Variants in FANCA observed in about 807,000 individuals in gnomAD.
FANCA encodes the protein Fanconi anemia group A protein.
Under a neutral mutation model 194.3 loss-of-function variants are expected in FANCA, and 236 were observed. The ratio of observed to expected loss-of-function variants is 1.21; its 90% confidence interval spans 1.09 to 1.35. FANCA has a LOEUF of 1.35. Among genes scored for constraint, FANCA ranks in the 40% most tolerant of loss-of-function variants. The probability of loss-of-function intolerance (pLI) is 0.00; values close to 1 mark genes in which losing one functional copy is unlikely to be tolerated. For synonymous variants in FANCA, 1,014 were observed against 715.8 expected (o/e 1.42, Z -6.65); for missense variants, 2,628 against 1,813.9 (o/e 1.45, Z -8.15).
At chr16:89,770,409 C>T in intron 24 of FANCA, 150 bp from the exon 25 acceptor site, 1 of 1,011,038 alleles carries the variant, frequency 9.9e-7, no homozygotes, top group Non-Finnish European at 1.5e-6. Context: ...TTCTGCAGTG[C>T]TTCCCAACTT....
chr16:89,776,071 T>C lies in FANCA; in HGVS notation c.1827-256A>G, dbSNP rs17232840. On this transcript the variant is annotated intron_variant, in intron 20 of 42. Transcript: ENST00000389301. The stretch of plus-strand genomic sequence containing the variant: ...GACCACAAAATACCACCAGTGATTA[T>C]CCCTGGGCAGTGAAATTATAAATTA... Among the ~76,000 whole-genome samples the C allele has an allele frequency of 0.06, 9,068 of 151,334 alleles. 420 individuals are homozygous for C. Among genetic ancestry groups the C allele is most frequent in the East Asian group, 0.23 (1,168 of 5,150 alleles).
rs1598067532 is a variant in FANCA at position 89,745,064 on chromosome 16, C to T, written c.3521G>A (p.Trp1174Ter). The change falls in exon 36 of 43, where the codon TGG becomes TAG. Residue 1174 changes from tryptophan (W) to a stop codon, truncating the protein, a stop_gained. Coordinates refer to ENST00000389301, the MANE Select transcript of FANCA (RefSeq NM_000135.4). LOFTEE classifies it high-confidence loss of function. ...GAGCAGCACAGGCTCCAGGCTCGGCCACCACACCTATGGAGAGAGCACCAG... is the reference window on the plus strand; with the variant it reads ...GAGCAGCACAGGCTCCAGGCTCGGCTACCACACCTATGGAGAGAGCACCAG... Reference protein sequence around the residue: ...PLILTSALVWWPSLEPVLLCR... With the variant: ...PLILTSALVW 6.2e-7 allele frequency: 1 copy of T among 1,604,826 alleles called. No individual in the cohort carries two copies. Among genetic ancestry groups the T allele is most frequent in the Non-Finnish European group, 8.5e-7 (1 of 1,178,398 alleles).
At chr16:89,772,504 T>G (rs1192533777) in intron 22 of FANCA, among the ~76,000 whole-genome samples, 1 of 151,364 alleles carries the variant, frequency 6.6e-6, no homozygotes, top group East Asian at 1.9e-4. Flanking sequence ...AGACTCCGTC[T>G]CAAAAAAATA....
chr16:89,775,771 GC>G lies in FANCA; in HGVS notation c.1870del (p.Ala624ProfsTer16). 6.2e-7 allele frequency: 1 copy of G among 1,612,888 alleles called. No individual in the cohort carries two copies. Among genetic ancestry groups the G allele is most frequent in the East Asian group, 2.2e-5 (1 of 44,862 alleles). On this transcript the variant is annotated frameshift_variant, in exon 21 of 43. Transcript: ENST00000389301. LOFTEE classifies it high-confidence loss of function. ...PPSLYSTYCQACSAAEEKPED... is the reference protein window; with the variant it reads ...PPSLYSTYCQXCSAAEEKPED... ...TGGCTTCTCTTCAGCAGCAGAGCAG[GC>G]CTGGCAGTAGGTGGAGTACAGAGAT...
intron 17 of FANCA, among the ~76,000 whole-genome samples, chr16:89,782,337 C>A (rs1029784022): frequency 6.6e-6 from 1 of 151,888 alleles, no homozygotes; most frequent in African/African-American, 2.4e-5. Context: ...TGGCGAAACC[C>A]TGACTCTATT....
Position 89,775,148 on chromosome 16 carries a change from G to A in FANCA, c.1900+594C>T, listed in dbSNP as rs546333637. On this transcript the variant is annotated intron_variant, in intron 21 of 42. Transcript: ENST00000389301. ...CAGATCTATGTCTTCAGCTCATAGC[G>A]GCTCCCACAGGGAGATGCTGGCTTC... Among the ~76,000 whole-genome samples the A allele has an allele frequency of 7.3e-5, 11 of 151,284 alleles. No homozygotes were observed. In the East Asian group the frequency reaches 1.8e-3, roughly 24 times the overall value.
chr16:89,754,778 C>A (rs1050055554), intron 30 of FANCA, among the ~76,000 whole-genome samples: 1 of 152,184 alleles, frequency 6.6e-6, no homozygotes, highest in Non-Finnish European at 1.5e-5. Context: ...TGTTTCTATA[C>A]GTTAGCAACA....
In FANCA at chr16:89,808,910, A is replaced by AT. The variant is rs112058471; in HGVS notation, c.523-544dup. 5.8e-3 allele frequency among the ~76,000 whole-genome samples: 820 copies of AT among 140,572 alleles called. 3 individuals are homozygous for AT. Among genetic ancestry groups the AT allele is most frequent in the East Asian group, 0.011 (53 of 4,856 alleles). 92.2% of individuals were successfully genotyped at this position (140,572 alleles called of 152,430 possible). ...TTCTCATCCCCCTAACTCACACTCT[A>AT]TTTTTTTTTTTTTGAGACAGAGTCG... On this transcript the variant is annotated intron_variant, in intron 5 of 42. Transcript: ENST00000389301.
chr16:89,759,180 C>T (rs1027723331), intron 29 of FANCA, among the ~76,000 whole-genome samples: 15 of 151,238 alleles, frequency 9.9e-5, no homozygotes, highest in African/African-American at 3.4e-4. Flanking sequence ...ATTAGCCGGG[C>T]GTGGTGGTGG....
chr16:89,767,245 CAG>C lies in FANCA; in HGVS notation c.2505-10_2505-9del, dbSNP rs766900188. The C allele has an allele frequency of 3.2e-6, 5 of 1,585,940 alleles. No homozygotes were observed. In the South Asian group the frequency reaches 3.3e-5, roughly 11 times the overall value. On this transcript the variant is annotated splice_polypyrimidine_tract_variant and intron_variant, in intron 26 of 42. Coordinates refer to ENST00000389301, the MANE Select transcript of FANCA (RefSeq NM_000135.4). ...ATTGCTGCTGTACAAAATCTGAAAA[CAG>C]AAATTATAACATATAAATGTAATCC...
At chr16:89,785,941 G>A (rs1020761228) in intron 14 of FANCA, among the ~76,000 whole-genome samples, 8 of 140,004 alleles carry the variant, frequency 5.7e-5, no homozygotes, top group Admixed American at 1.5e-4. Flanking sequence ...TGCAACGTCC[G>A]CCCACCCAGG....
intron 14 of FANCA, among the ~76,000 whole-genome samples, chr16:89,790,669 C>A (rs2040039272): frequency 6.6e-6 from 1 of 151,330 alleles, no homozygotes; most frequent in African/African-American, 2.4e-5. Context: ...GCGGAGTTTG[C>A]AGTGAGCCGA....
At chr16:89,780,259 C>A (rs1345376252) in intron 17 of FANCA, among the ~76,000 whole-genome samples, 1 of 152,088 alleles carries the variant, frequency 6.6e-6, no homozygotes, top group Non-Finnish European at 1.5e-5. Flanking sequence ...TCTTTCCTGC[C>A]TCCAGGAAAG....
At chr16:89,765,204 T>A (rs577798313) in intron 27 of FANCA, 138 bp from the exon 28 acceptor site, 323 of 1,046,340 alleles carry the variant, frequency 3.1e-4, no homozygotes, top group Non-Finnish European at 4.4e-4. Context: ...GTCCAGCCCC[T>A]GGGAGGGCGC....
chr16:89,771,931 A>G (rs1393339090), intron 22 of FANCA, 117 bp from the exon 23 acceptor site: 2 of 1,210,428 alleles, frequency 1.7e-6, no homozygotes, highest in Non-Finnish European at 2.4e-6. Context: ...CTGACTGCAC[A>G]CATCCCCCAG....
At position 89,807,617 on chromosome 16, in the gene FANCA, G is replaced by C. The variant is rs1429116827; in HGVS notation, c.596+677C>G. The stretch of plus-strand genomic sequence containing the variant: ...ATAACAAAAATTGCCAGGCACAGTG[G>C]TTCATGCCTGTAATCCCAGCGCTTT... On this transcript the variant is annotated intron_variant, in intron 6 of 42. Transcript: ENST00000389301. 1.3e-5 allele frequency among the ~76,000 whole-genome samples: 2 copies of C among 152,288 alleles called. 1 individual carries two copies. Among genetic ancestry groups the C allele is most frequent in the South Asian group, 4.1e-4 (2 of 4,824 alleles).
chr16:89,750,795 C>CA (rs148804868), intron 31 of FANCA, among the ~76,000 whole-genome samples: 10,172 of 151,134 alleles, frequency 0.067, 453 homozygotes, highest in East Asian at 0.22. Context: ...AAAACAACAA[C>CA]AAAAAAAAAC....
At chr16:89,804,118 A>G (rs542315306) in intron 7 of FANCA, among the ~76,000 whole-genome samples, 1 of 152,294 alleles carries the variant, frequency 6.6e-6, no homozygotes, top group Admixed American at 6.5e-5. Flanking sequence ...TCTAACTTTG[A>G]TTTAAATTTA....
At chr16:89,771,536 C>G in intron 23 of FANCA, 142 bp downstream of exon 23, 2 of 900,852 alleles carry the variant, frequency 2.2e-6, no homozygotes, top group Non-Finnish European at 3.5e-6. Context: ...CCTGGTACAC[C>G]GCTGCCTGGC....
Sources: allele counts gnomAD v4.1 joint callset (sites outside exome capture counted in the v4.1 genomes callset), GRCh38; gene constraint gnomAD v4.1.1; transcripts MANE v1.5; gene names NCBI Gene and HGNC (gene_info 2026-07-23, HGNC 2026-07-21).